Variants in ANK2 observed in about 807,000 individuals in gnomAD.
ANK2 encodes ankyrin-2.
Under a neutral mutation model 360.5 loss-of-function variants are expected in ANK2, and 83 were observed. The observed-to-expected ratio is 0.23, with a 90% CI of 0.19 to 0.28. The LOEUF (loss-of-function observed/expected upper bound fraction) is 0.28, where lower values mean the gene tolerates loss of function less well. Among genes scored for constraint, ANK2 ranks in the 10% least tolerant of loss-of-function variants. The pLI is 1.00. For synonymous variants in ANK2, 1,740 were observed against 1,759.5 expected (o/e 0.99, Z 0.28); for missense variants, 4,201 against 4,795.7 (o/e 0.88, Z 3.66).
At chr4:112,738,271 G>T in the ANK2 span, among the ~76,000 whole-genome samples, 1 of 152,086 alleles carries the variant, frequency 6.6e-6, no homozygotes, top group Non-Finnish European at 1.5e-5. Flanking sequence ...AATTAGCCAG[G>T]TGTGGTGGTG....
intron 1 of ANK2, among the ~76,000 whole-genome samples, chr4:112,897,718 C>T (rs1383683189): frequency 6.6e-6 from 1 of 152,134 alleles, no homozygotes; most frequent in Non-Finnish European, 1.5e-5. Context: ...TGTTTGGGAC[C>T]TGTAATACCA....
rs142662062 is a variant in ANK2, at chr4:113,073,700, G to A, written c.84+23888G>A. Reference sequence around the variant, plus strand: ...AATTAAAAAGAAGAAAGAAAAGAAGGGAAAGAAGCCACCCATAGCTGTGTT... The same window carrying A: ...AATTAAAAAGAAGAAAGAAAAGAAGAGAAAGAAGCCACCCATAGCTGTGTT... On this transcript the variant is annotated intron_variant, in intron 1 of 45. Coordinates refer to ENST00000357077, the MANE Select transcript of ANK2 (RefSeq NM_001148.6). Among the ~76,000 whole-genome samples the A allele has an allele frequency of 9.5e-4, 144 of 152,242 alleles. 1 individual carries two copies. Among genetic ancestry groups the A allele is most frequent in the African/African-American group, 3.5e-3 (144 of 41,530 alleles).
rs539492712 is a variant in ANK2, at chr4:112,960,170, C to T, written c.21+55656C>T. On this transcript the variant is annotated intron_variant, in intron 2 of 30. Coordinates refer to the ANK2 transcript ENST00000503271. ...TTCTGAGTAAACCATACTGTGATAACGTAAAGCCCATCTGTGTCAGGAATA... is the reference window on the plus strand; with the variant it reads ...TTCTGAGTAAACCATACTGTGATAATGTAAAGCCCATCTGTGTCAGGAATA... Among the ~76,000 whole-genome samples, 10 of 152,262 alleles carry T rather than the reference C, an allele frequency of 6.6e-5. No homozygotes were observed. The South Asian group carries it at 1.7e-3, about 25-fold the overall frequency.
At chr4:113,006,404 C>T (rs1237484326) in intron 2 of ANK2, among the ~76,000 whole-genome samples, 2 of 152,110 alleles carry the variant, frequency 1.3e-5, no homozygotes, top group African/African-American at 2.4e-5. Context: ...AATATAAGTG[C>T]CTCTTCAACA....
chr4:113,047,252 TA>T (rs1432158201), upstream of ANK2, among the ~76,000 whole-genome samples: 1 of 152,226 alleles, frequency 6.6e-6, no homozygotes, highest in African/African-American at 2.4e-5. Flanking sequence ...CCTTGTGTGC[TA>T]AGCACAGTAA....
Position 113,258,322 on chromosome 4 carries a change from A to T in ANK2, c.1297A>T (p.Thr433Ser). Residue 433 changes from threonine (T) to serine (S), a missense_variant, in exon 13 of 46, where the codon ACA (threonine) becomes TCA (serine). Thr to Ser is a moderately conservative substitution (Grantham distance 58). Coordinates refer to ENST00000357077, the MANE Select transcript of ANK2 (RefSeq NM_001148.6). The part of the protein sequence containing the change: ...SIQAITESGL[T>S]PIHVAAFMGH... ...TTGCTTTGTTTCGCAGTCTGGCCTCACACCAATACATGTGGCTGCCTTCAT... is the reference window on the plus strand; with the variant it reads ...TTGCTTTGTTTCGCAGTCTGGCCTCTCACCAATACATGTGGCTGCCTTCAT... 6.2e-7 allele frequency: 1 copy of T among 1,614,036 alleles called. No individual in the cohort carries two copies. Among genetic ancestry groups the T allele is most frequent in the Non-Finnish European group, 8.5e-7 (1 of 1,180,014 alleles).
chr4:113,332,454 A>G (rs1345110480), intron 28 of ANK2, among the ~76,000 whole-genome samples: 1 of 152,230 alleles, frequency 6.6e-6, no homozygotes, highest in African/African-American at 2.4e-5. Context: ...AGGGCAGTGC[A>G]TGTTCCGGAT....
rs1253829449 is a variant in ANK2, at chr4:113,341,952, A to G, written c.4122+36A>G. The G allele has an allele frequency of 4.1e-6, 6 of 1,453,064 alleles. No homozygotes were observed. In the South Asian group the frequency reaches 4.6e-5, roughly 11 times the overall value. 90.0% of individuals were successfully genotyped at this position (1,453,064 alleles called of 1,614,324 possible). A position where few individuals can be genotyped will look rare whatever the true frequency, so the allele number is the denominator to read the frequency against. On this transcript the variant is annotated intron_variant, in intron 33 of 45. Coordinates refer to ENST00000357077, the MANE Select transcript of ANK2 (RefSeq NM_001148.6). ...AAAAATAATAATAATAATTTATGCC[A>G]TGTTGTTATACCTGCATTAATAGAT...
chr4:113,057,436 A>T (rs920656142), intron 1 of ANK2, among the ~76,000 whole-genome samples: 2 of 152,154 alleles, frequency 1.3e-5, no homozygotes, highest in Non-Finnish European at 1.5e-5. Context: ...ATTCCAAATT[A>T]CAGTAAAGAT....
chr4:112,846,054 A>G (rs2063216327), intron 1 of ANK2, among the ~76,000 whole-genome samples: 1 of 152,012 alleles, frequency 6.6e-6, no homozygotes, highest in Admixed American at 6.6e-5. Flanking sequence ...ATTTCTTCTT[A>G]CTTCTTGAAA....
chr4:113,083,874 G>T (rs72906144), intron 1 of ANK2, among the ~76,000 whole-genome samples: 4,611 of 152,174 alleles, frequency 0.03, 136 homozygotes, highest in East Asian at 0.079. Context: ...GGTGACATAA[G>T]AGTTACGGCT....
intron 1 of ANK2, among the ~76,000 whole-genome samples, chr4:112,821,827 T>C (rs1018060790): frequency 6.6e-6 from 1 of 151,658 alleles, no homozygotes; most frequent in Middle Eastern, 3.2e-3. Context: ...AGTACATTCG[T>C]GCAATCTTGG....
At chr4:113,131,657 TATACACTCCTAAGTGGAG>T (rs2096042873) in intron 1 of ANK2, among the ~76,000 whole-genome samples, 1 of 152,216 alleles carries the variant, frequency 6.6e-6, no homozygotes, top group South Asian at 2.1e-4. Context: ...CAAAGTACTT[TATACACTCCTAAGTGGAG>T]ACAAACCTGT....
At chr4:113,049,176 A>G (rs577150725), upstream of ANK2, among the ~76,000 whole-genome samples, 1 of 152,266 alleles carries the variant, frequency 6.6e-6, no homozygotes, top group Non-Finnish European at 1.5e-5. Flanking sequence ...AAAAGATTAT[A>G]TTTTAAACCA....
intron 2 of ANK2, among the ~76,000 whole-genome samples, chr4:113,179,907 C>T (rs529181070): frequency 1.5e-4 from 23 of 152,216 alleles, no homozygotes; most frequent in Non-Finnish European, 3.2e-4. Flanking sequence ...AAATGAAAGA[C>T]TATCACTTAG....
chr4:113,005,415 A>T (rs2052470974), intron 2 of ANK2, among the ~76,000 whole-genome samples: 1 of 152,210 alleles, frequency 6.6e-6, no homozygotes, highest in African/African-American at 2.4e-5. Flanking sequence ...CCATAAAAAG[A>T]GGATTTGCTA....
the ANK2 span, among the ~76,000 whole-genome samples, chr4:112,718,105 T>C: frequency 1.3e-5 from 2 of 152,374 alleles, no homozygotes; most frequent in African/African-American, 4.8e-5. Flanking sequence ...AGAATTATCC[T>C]GACCTTGATC....
intron 1 of ANK2, among the ~76,000 whole-genome samples, chr4:112,832,743 T>C (rs2060081104): frequency 6.6e-6 from 1 of 152,236 alleles, no homozygotes; most frequent in Non-Finnish European, 1.5e-5. Context: ...TGTTATGCAC[T>C]ATTGCTTCAT....
intron 20 of ANK2, among the ~76,000 whole-genome samples, chr4:113,289,215 C>CTTTTTTTT (rs33910138): frequency 7.6e-6 from 1 of 132,282 alleles, no homozygotes. Context: ...ATTTCTTTTT[C>CTTTTTTTT]TTTTTTTTTT....
Sources: allele counts gnomAD v4.1 joint callset (sites outside exome capture counted in the v4.1 genomes callset), GRCh38; gene constraint gnomAD v4.1.1; transcripts MANE v1.5; gene names NCBI Gene and HGNC (gene_info 2026-07-23, HGNC 2026-07-21).